Variants in PRRX2 observed in about 807,000 individuals in gnomAD.
PRRX2 encodes paired related homeobox 2.
In PRRX2, 11 loss-of-function variants were observed where a neutral mutation model predicts 18.0. That is an observed-to-expected ratio of 0.61 (90% CI 0.39 to 1.01). PRRX2 has a LOEUF of 1.01. PRRX2 is among the 50% of genes least tolerant of loss of function. The probability of loss-of-function intolerance (pLI) is 0.01; values close to 1 mark genes in which losing one functional copy is unlikely to be tolerated. For missense variants in PRRX2, 387 were observed against 351.0 expected, an observed-to-expected ratio of 1.10 and a Z score of -0.82; for synonymous variants, 177 against 154.8, an observed-to-expected ratio of 1.14 and a Z score of -1.06.
chr9:129,709,493 G>C lies in PRRX2; in HGVS notation c.260-9738G>C, dbSNP rs528485661. 1.4e-3 allele frequency among the ~76,000 whole-genome samples: 215 copies of C among 152,318 alleles called. 1 individual carries two copies. The highest frequency in any genetic ancestry group is 5.0e-3 in the African/African-American group (208 of 41,574). ...TACCGGCCCCCAGGGCTGGGAGCAGGTCAGAGCACGGCAGTCCCAGGTTGG... is the reference window on the plus strand; with the variant it reads ...TACCGGCCCCCAGGGCTGGGAGCAGCTCAGAGCACGGCAGTCCCAGGTTGG... On this transcript the variant is annotated intron_variant, in intron 1 of 3. Transcript: ENST00000372469. The surrounding 1 kb of genome is among the most constrained non-coding windows in gnomAD (Gnocchi z 4.2).
intron 1 of PRRX2, among the ~76,000 whole-genome samples, chr9:129,698,194 G>C (rs1832450445): frequency 6.7e-6 from 1 of 148,978 alleles, no homozygotes. Context: ...GGCCTATAAA[G>C]TGAGCAGTGG....
chr9:129,667,012 A>G (rs564283640), intron 1 of PRRX2, among the ~76,000 whole-genome samples: 1 of 142,386 alleles, frequency 7.0e-6, no homozygotes, highest in African/African-American at 2.5e-5. Flanking sequence ...ACCAGCCTCC[A>G]GGTCTCAGGG....
At chr9:129,689,563 G>A (rs962029451) in intron 1 of PRRX2, among the ~76,000 whole-genome samples, 2 of 152,030 alleles carry the variant, frequency 1.3e-5, no homozygotes, top group Non-Finnish European at 2.9e-5. Context: ...CATAGGGCTG[G>A]GCCTCAACTC....
At chr9:129,708,237 T>C (rs960501827) in intron 1 of PRRX2, among the ~76,000 whole-genome samples, 5 of 152,182 alleles carry the variant, frequency 3.3e-5, no homozygotes, top group Admixed American at 2.6e-4. Flanking sequence ...AGTTTCACCA[T>C]GTTGGTCAGG....
At chr9:129,697,436 G>T (rs1832440596) in intron 1 of PRRX2, among the ~76,000 whole-genome samples, 1 of 151,556 alleles carries the variant, frequency 6.6e-6, no homozygotes, top group Non-Finnish European at 1.5e-5. Context: ...ATTAACGTCT[G>T]TGTGTCTGGG....
intron 1 of PRRX2, 90 bp downstream of exon 1, chr9:129,666,216 G>C: frequency 3.2e-6 from 3 of 937,890 alleles, no homozygotes; most frequent in Non-Finnish European, 3.8e-6. Flanking sequence ...CGCGGGGCGG[G>C]CGAAGATGCA....
At chr9:129,700,530 A>T (rs1156838098) in intron 1 of PRRX2, among the ~76,000 whole-genome samples, 1 of 151,120 alleles carries the variant, frequency 6.6e-6, no homozygotes, top group African/African-American at 2.4e-5. Flanking sequence ...GGGTTTCACC[A>T]TGGTGGCCAG....
At chr9:129,690,183 T>C (rs574464177) in intron 1 of PRRX2, among the ~76,000 whole-genome samples, 1 of 152,298 alleles carries the variant, frequency 6.6e-6, no homozygotes, top group East Asian at 1.9e-4. Flanking sequence ...TCCTCTCCGC[T>C]GCGATCCTCT....
intron 1 of PRRX2, among the ~76,000 whole-genome samples, chr9:129,702,796 T>C (rs375482929): frequency 2.6e-4 from 39 of 152,254 alleles, no homozygotes; most frequent in African/African-American, 8.9e-4. Flanking sequence ...CCCAGGCAAA[T>C]TGTCAGTGGA....
chr9:129,708,750 T>G (rs1832585279), intron 1 of PRRX2, among the ~76,000 whole-genome samples: 1 of 152,230 alleles, frequency 6.6e-6, no homozygotes, highest in Non-Finnish European at 1.5e-5. Context: ...CTTTTGAAGA[T>G]AAAGGGACCT....
At chr9:129,692,628 C>T (rs560482136) in intron 1 of PRRX2, among the ~76,000 whole-genome samples, 3 of 152,304 alleles carry the variant, frequency 2.0e-5, no homozygotes, top group South Asian at 4.1e-4. Flanking sequence ...TTTTTCAGAA[C>T]GTCATGTGGT....
intron 1 of PRRX2, among the ~76,000 whole-genome samples, chr9:129,697,796 C>T (rs1171027185): frequency 6.6e-6 from 1 of 152,088 alleles, no homozygotes; most frequent in African/African-American, 2.4e-5. Context: ...CCCGCTGTCT[C>T]CACCCCACAA....
At chr9:129,668,778 CAAAAAAAAAA>C in intron 1 of PRRX2, among the ~76,000 whole-genome samples, 1 of 58,662 alleles carries the variant, frequency 1.7e-5, no homozygotes, top group East Asian at 6.4e-4. Context: ...GACTCCATCT[CAAAAAAAAAA>C]AAAAAAAAAA....
At chr9:129,666,802 G>C (rs369036548) in intron 1 of PRRX2, among the ~76,000 whole-genome samples, 2 of 152,200 alleles carry the variant, frequency 1.3e-5, no homozygotes, top group East Asian at 3.9e-4. Flanking sequence ...CCCCAGCCCC[G>C]GACGGTTCAG....
chr9:129,674,474 A>G (rs1832140045), intron 1 of PRRX2, among the ~76,000 whole-genome samples: 1 of 152,116 alleles, frequency 6.6e-6, no homozygotes, highest in South Asian at 2.1e-4. Flanking sequence ...CAAGGAGCTG[A>G]GGCCTGTAGG....
intron 1 of PRRX2, among the ~76,000 whole-genome samples, chr9:129,680,309 G>A (rs1479447330): frequency 6.6e-6 from 1 of 150,402 alleles, no homozygotes; most frequent in Non-Finnish European, 1.5e-5. Context: ...GCTGACACAG[G>A]AGAATCGCTT....
chr9:129,681,290 C>CGG (rs1832225595), intron 1 of PRRX2, among the ~76,000 whole-genome samples: 1 of 152,164 alleles, frequency 6.6e-6, no homozygotes, highest in African/African-American at 2.4e-5. Flanking sequence ...GAGGCTGAGG[C>CGG]GGGCGGATCA....
rs1165343797 is a variant in PRRX2, at chr9:129,684,532, A to ACACACACACC, written c.259+18407_259+18408insACACACACCC. 1.2e-3 allele frequency among the ~76,000 whole-genome samples: 170 copies of ACACACACACC among 140,348 alleles called. 2 individuals carry two copies. The highest frequency in any genetic ancestry group is 3.5e-3 in the Middle Eastern group (1 of 282). 92.1% of individuals were successfully genotyped at this position (140,348 alleles called of 152,430 possible). ...CACACACACACACACACCCACACAC[A>ACACACACACC]CCCCAACAGAAAAGAGACCAGAAAT... On this transcript the variant is annotated intron_variant, in intron 1 of 3. Coordinates refer to ENST00000372469, the MANE Select transcript of PRRX2 (RefSeq NM_016307.4).
intron 1 of PRRX2, among the ~76,000 whole-genome samples, 177 bp downstream of exon 1, chr9:129,666,303 TG>T (rs1457804942): frequency 6.6e-6 from 1 of 150,996 alleles, no homozygotes; most frequent in Non-Finnish European, 1.5e-5. Flanking sequence ...CACTCTGGGC[TG>T]GGGGAGGGGG....
Sources: allele counts gnomAD v4.1 joint callset (sites outside exome capture counted in the v4.1 genomes callset), GRCh38; gene constraint gnomAD v4.1.1; non-coding constraint Gnocchi (gnomAD v3.1); transcripts MANE v1.5; gene names NCBI Gene and HGNC (gene_info 2026-07-23, HGNC 2026-07-21).